The following PCSK2 variants were observed in gnomAD, a reference collection of about 807,000 sequenced individuals.
PCSK2 encodes proprotein convertase subtilisin/kexin type 2, also known as neuroendocrine convertase 2.
Under a neutral mutation model 69.7 loss-of-function variants are expected in PCSK2, and 14 were observed. That is an observed-to-expected ratio of 0.20 (90% CI 0.13 to 0.31). PCSK2 has a LOEUF of 0.31. PCSK2 is among the 10% of genes least tolerant of loss of function. The probability of loss-of-function intolerance (pLI) is 1.00; values close to 1 mark genes in which losing one functional copy is unlikely to be tolerated. For missense variants in PCSK2, 544 were observed against 842.5 expected, an observed-to-expected ratio of 0.65 and a Z score of 4.39; for synonymous variants, 307 against 320.7, an observed-to-expected ratio of 0.96 and a Z score of 0.46.
rs144322248 is a variant in PCSK2, at chr20:17,248,653, G to A, written c.178-11587G>A. On this transcript the variant is annotated intron_variant, in intron 1 of 11. Coordinates refer to ENST00000262545, the MANE Select transcript of PCSK2 (RefSeq NM_002594.5). ...CTGTTTATTGCATAAGAGTAAGCTC[G>A]TCAGAGGTTCAAATTTTAGCTTTAT... Among the ~76,000 whole-genome samples the A allele has an allele frequency of 4.2e-3, 638 of 152,258 alleles. 3 individuals are homozygous for A. Among genetic ancestry groups the A allele is most frequent in the Admixed American group, 8.8e-3 (134 of 15,298 alleles).
intron 11 of PCSK2, among the ~76,000 whole-genome samples, chr20:17,467,988 A>G (rs765493915): frequency 1.3e-5 from 2 of 152,238 alleles, no homozygotes; most frequent in African/African-American, 2.4e-5. Context: ...TCCAATGGAC[A>G]AGCATGTGCC....
intron 2 of PCSK2, among the ~76,000 whole-genome samples, chr20:17,291,340 T>C (rs146282495): frequency 6.6e-5 from 10 of 152,278 alleles, no homozygotes; most frequent in Non-Finnish European, 8.8e-5. Context: ...TTTAGACCTT[T>C]CTTATTAGTA....
intron 1 of PCSK2, among the ~76,000 whole-genome samples, chr20:17,233,621 C>T (rs1986225601): frequency 2.0e-5 from 3 of 152,146 alleles, no homozygotes; most frequent in African/African-American, 7.2e-5. Context: ...GAATGCAGTA[C>T]AGTTACCATG....
chr20:17,405,386 G>A (rs1389889577), intron 5 of PCSK2, among the ~76,000 whole-genome samples: 2 of 152,190 alleles, frequency 1.3e-5, no homozygotes, highest in Non-Finnish European at 2.9e-5. Context: ...CCAGGGCCAG[G>A]TGCAATCTCA....
At chr20:17,425,967 G>A (rs2032240533) in intron 6 of PCSK2, among the ~76,000 whole-genome samples, 1 of 152,194 alleles carries the variant, frequency 6.6e-6, no homozygotes, top group Non-Finnish European at 1.5e-5. Flanking sequence ...AGCCTGGGGA[G>A]AAAAGAGAAT....
intron 2 of PCSK2, among the ~76,000 whole-genome samples, chr20:17,316,742 T>C (rs1269238465): frequency 6.6e-6 from 1 of 152,228 alleles, no homozygotes; most frequent in Admixed American, 6.5e-5. Flanking sequence ...TTTCTGATAC[T>C]GTGATGTGTG....
chr20:17,243,558 A>G (rs1210239528), intron 1 of PCSK2, among the ~76,000 whole-genome samples: 1 of 152,206 alleles, frequency 6.6e-6, no homozygotes, highest in Admixed American at 6.5e-5. Flanking sequence ...GTTATTTGGC[A>G]TTCTCACACT....
intron 4 of PCSK2, among the ~76,000 whole-genome samples, chr20:17,361,919 G>T (rs1192757570): frequency 6.6e-6 from 1 of 152,112 alleles, no homozygotes; most frequent in Non-Finnish European, 1.5e-5. Context: ...AGGGGTTCAG[G>T]CCAGCTCACC....
chr20:17,275,982 G>A (rs2123034765), intron 2 of PCSK2, among the ~76,000 whole-genome samples: 1 of 152,154 alleles, frequency 6.6e-6, no homozygotes, highest in African/African-American at 2.4e-5. Context: ...TTATCTGAAA[G>A]GTTGATGTGA....
chr20:17,316,899 C>T (rs1330623073), intron 2 of PCSK2, among the ~76,000 whole-genome samples: 2 of 152,130 alleles, frequency 1.3e-5, no homozygotes, highest in African/African-American at 4.8e-5. Context: ...CTATGAAGTG[C>T]AGGCTTTAAA....
At chr20:17,299,347 C>T (rs547051018) in intron 2 of PCSK2, among the ~76,000 whole-genome samples, 1 of 152,126 alleles carries the variant, frequency 6.6e-6, no homozygotes, top group Non-Finnish European at 1.5e-5. Flanking sequence ...CCTGTTTCTG[C>T]AGTTTATGTC....
chr20:17,467,386 T>TA (rs2033121232), intron 11 of PCSK2, among the ~76,000 whole-genome samples: 1 of 152,184 alleles, frequency 6.6e-6, no homozygotes, highest in African/African-American at 2.4e-5. Context: ...CATGCTGAAA[T>TA]ATATGTCCCC....
intron 2 of PCSK2, among the ~76,000 whole-genome samples, chr20:17,351,168 G>A (rs1329986535): frequency 1.3e-5 from 2 of 152,148 alleles, no homozygotes; most frequent in Admixed American, 6.5e-5. Context: ...GAGACTAGAG[G>A]TGGGTAAGGG....
intron 8 of PCSK2, among the ~76,000 whole-genome samples, chr20:17,440,917 G>A (rs2032581989): frequency 1.3e-5 from 2 of 151,688 alleles, no homozygotes; most frequent in Admixed American, 6.6e-5. Flanking sequence ...ATAGATTCAG[G>A]CAAGACCTCA....
intron 1 of PCSK2, among the ~76,000 whole-genome samples, chr20:17,242,609 G>A (rs968038065): frequency 3.3e-5 from 5 of 152,154 alleles, no homozygotes; most frequent in South Asian, 2.1e-4. Context: ...TTGGTCTCTC[G>A]TTCTAAATGC....
intron 8 of PCSK2, among the ~76,000 whole-genome samples, chr20:17,447,015 G>A (rs2032710505): frequency 6.6e-6 from 1 of 152,124 alleles, no homozygotes. Context: ...CATTTTGGGA[G>A]GCTGTTGTGG....
In PCSK2 at chr20:17,427,641, C is replaced by A. The variant is rs558515771; in HGVS notation, c.621-1794C>A. On this transcript the variant is annotated intron_variant, in intron 6 of 11. Coordinates refer to ENST00000262545, the MANE Select transcript of PCSK2 (RefSeq NM_002594.5). Reference sequence around the variant, plus strand: ...GAAACAATAAGCATTGATTATTGCTCCCAAGTCTATAGTTTGGCTGGAAAG... The same window carrying A: ...GAAACAATAAGCATTGATTATTGCTACCAAGTCTATAGTTTGGCTGGAAAG... 2.9e-4 allele frequency among the ~76,000 whole-genome samples: 44 copies of A among 152,296 alleles called. No individual in the cohort carries two copies. In the South Asian group the frequency reaches 3.9e-3, roughly 14 times the overall value.
At chr20:17,422,944 A>C (rs1260382142) in intron 6 of PCSK2, among the ~76,000 whole-genome samples, 1 of 152,240 alleles carries the variant, frequency 6.6e-6, no homozygotes, top group African/African-American at 2.4e-5. Context: ...ATAGGCACCC[A>C]CACCACATAC....
intron 8 of PCSK2, among the ~76,000 whole-genome samples, chr20:17,449,977 T>G (rs1425944624): frequency 1.3e-4 from 20 of 148,840 alleles, no homozygotes; most frequent in Non-Finnish European, 1.6e-4. Context: ...ATTTAGCACT[T>G]CCTTAGCTTT....
Sources: allele counts gnomAD v4.1 joint callset (sites outside exome capture counted in the v4.1 genomes callset), GRCh38; gene constraint gnomAD v4.1.1; transcripts MANE v1.5; gene names NCBI Gene and HGNC (gene_info 2026-07-23, HGNC 2026-07-21).